Variants in BRCA2 observed in about 807,000 individuals in gnomAD.
The protein encoded by BRCA2 is breast cancer type 2 susceptibility protein.
A neutral mutation model predicts 276.7 loss-of-function variants in BRCA2; 203 were observed. The observed-to-expected ratio is 0.73, with a 90% CI of 0.65 to 0.82. The LOEUF is 0.82. Among genes scored for constraint, BRCA2 ranks in the 40% least tolerant of loss-of-function variants. The pLI is 0.00. For synonymous variants in BRCA2, 1,289 were observed against 1,338.4 expected, an observed-to-expected ratio of 0.96 and a Z score of 0.81; for missense variants, 3,920 against 3,915.0, an observed-to-expected ratio of 1.00 and a Z score of -0.03.
At chr13:32,374,725 A>G (rs755691496) in intron 20 of BRCA2, among the ~76,000 whole-genome samples, 2 of 152,168 alleles carry the variant, frequency 1.3e-5, no homozygotes, top group Non-Finnish European at 2.9e-5. Context: ...ACCATTCAAC[A>G]AGTCTCTAGG....
rs1406171492 is a variant in BRCA2 at position 32,333,374 on chromosome 13, A to G, written c.1896A>G (p.Ala632=). The change falls in exon 10 of 27, where the codon GCA becomes GCG. Residue 632 remains alanine, a synonymous_variant. Coordinates refer to ENST00000380152, the MANE Select transcript of BRCA2 (RefSeq NM_000059.4). Reference sequence around the variant, plus strand: ...CTTTTGAAGCACCACTTACATTTGCAAATGCTGATTCAGGTACCTCTGTCT... The same window carrying G: ...CTTTTGAAGCACCACTTACATTTGCGAATGCTGATTCAGGTACCTCTGTCT... ...ANAFEAPLTF[A]NADSGLLHSS... is the part of the protein sequence containing the mutation. 2 of 1,610,478 alleles carry G rather than the reference A, an allele frequency of 1.2e-6. No homozygotes were observed. The highest frequency in any genetic ancestry group is 2.2e-5 in the South Asian group (2 of 89,708).
chr13:32,332,304 G>A lies in BRCA2; in HGVS notation c.826G>A (p.Val276Ile), dbSNP rs1485423178. 6.2e-7 allele frequency: 1 copy of A among 1,605,254 alleles called. No individual in the cohort carries two copies. ...FGKTSGNSFK[V>I]NSCKDHIGKS... Reference sequence around the variant, plus strand: ...AAAAACATCAGGGAATTCATTTAAAGTAAATAGCTGCAAAGACCACATTGG... The same window carrying A: ...AAAAACATCAGGGAATTCATTTAAAATAAATAGCTGCAAAGACCACATTGG... The change falls in exon 10 of 27, where the codon GTA (valine) becomes ATA (isoleucine). Residue 276 changes from valine to isoleucine, a missense_variant. Physicochemically the swap from Val to Ile is conservative, Grantham distance 29. Around this residue, in one of 2 missense-constraint regions of BRCA2, gnomAD observed 3,263 missense variants for 3,156.9 expected, o/e 1.03. Transcript: ENST00000380152.
At chr13:32,358,197 C>T (rs555448905) in intron 16 of BRCA2, among the ~76,000 whole-genome samples, 1 of 152,244 alleles carries the variant, frequency 6.6e-6, no homozygotes, top group African/African-American at 2.4e-5. Context: ...TAAATTTGGC[C>T]GGGTACAGTG....
intron 24 of BRCA2, among the ~76,000 whole-genome samples, chr13:32,389,099 A>G (rs1202334112): frequency 6.6e-6 from 1 of 152,134 alleles, no homozygotes; most frequent in Non-Finnish European, 1.5e-5. Flanking sequence ...TCTAGGTGTT[A>G]CAACATACAT....
At position 32,325,058 on chromosome 13, in the gene BRCA2, A is replaced by G; in HGVS notation, c.317-18A>G. The G allele has an allele frequency of 6.7e-7, 1 of 1,498,420 alleles. No homozygotes were observed. The highest frequency in any genetic ancestry group is 9.3e-7 in the Non-Finnish European group (1 of 1,075,592). The allele number at this position is 1,498,420 out of a possible 1,614,324, so 92.8% of individuals were successfully genotyped here. A position where few individuals can be genotyped will look rare whatever the true frequency, so the allele number is the denominator to read the frequency against. On this transcript the variant is annotated intron_variant, in intron 3 of 26. Coordinates refer to ENST00000380152, the MANE Select transcript of BRCA2 (RefSeq NM_000059.4). ...TCCAGAGTATATACATTCTCACTGA[A>G]TTATTGTACTGTTTCAGGAAGGAAT...
chr13:32,328,830 T>G (rs2072368227), intron 7 of BRCA2, among the ~76,000 whole-genome samples: 1 of 152,190 alleles, frequency 6.6e-6, no homozygotes, highest in South Asian at 2.1e-4. Flanking sequence ...TTTGTAAAAC[T>G]TTTTTACTTA....
chr13:32,357,805 C>T lies in BRCA2; in HGVS notation c.7681C>T (p.Gln2561Ter), dbSNP rs80358994. The T allele has an allele frequency of 6.2e-7, 1 of 1,613,768 alleles. No individual in the cohort carries two copies. The highest frequency in any genetic ancestry group is 8.5e-7 in the Non-Finnish European group (1 of 1,179,782). The change falls in exon 16 of 27, where the codon CAG (glutamine) becomes TAG (stop). Residue 2561 changes from glutamine (Q) to a stop codon, truncating the protein, a stop_gained. Transcript: ENST00000380152. LOFTEE classifies it high-confidence loss of function. ...TAACAGCAAAAATGCAGAGTCTTTT[C>T]AGTTTCACACTGAAGATTATTTTGG... is the stretch of plus-strand genomic sequence containing the variant. ...KINSKNAESF[Q>*]FHTEDYFGKE...
chr13:32,339,027 A>C lies in BRCA2; in HGVS notation c.4672A>C (p.Ser1558Arg), dbSNP rs587782822. The change falls in exon 11 of 27, where the codon AGT (serine) becomes CGT (arginine). Residue 1558 changes from serine (S) to arginine (R), a missense_variant. Ser to Arg is a moderately radical substitution (Grantham distance 110). Transcript: ENST00000380152. ...EKEQGTSEIT[S>R]FSHQWAKTLK... Reference sequence around the variant, plus strand: ...AGAGCAAGGTACTAGTGAAATCACCAGTTTTAGCCATCAATGGGCAAAGAC... The same window carrying C: ...AGAGCAAGGTACTAGTGAAATCACCCGTTTTAGCCATCAATGGGCAAAGAC... 5 of 1,613,934 alleles carry C rather than the reference A, an allele frequency of 3.1e-6. No homozygotes were observed. Among genetic ancestry groups the C allele is most frequent in the Non-Finnish European group, 4.2e-6 (5 of 1,179,948 alleles).
At position 32,319,331 on chromosome 13, in the gene BRCA2, T is replaced by C. The variant is rs81002900; in HGVS notation, c.316+6T>C. 2 of 1,608,700 alleles carry C rather than the reference T, an allele frequency of 1.2e-6. No homozygotes were observed. The highest frequency in any genetic ancestry group is 1.7e-6 in the Non-Finnish European group (2 of 1,175,204). ...TAAATTCAAATTAGACTTAGGTAAG[T>C]AATGCAATATGGTAGACTGGGGAGA... On this transcript the variant is annotated splice_donor_region_variant and intron_variant, in intron 3 of 26. Coordinates refer to ENST00000380152, the MANE Select transcript of BRCA2 (RefSeq NM_000059.4).
chr13:32,398,670 G>A lies in BRCA2; in HGVS notation c.10157G>A (p.Cys3386Tyr), dbSNP rs80358399. ...GATTATCTCAGACTGAAACGACGTT[G>A]TACTACATCTCTGATCAAAGAACAG... Reference protein sequence around the residue: ...SEDYLRLKRRCTTSLIKEQES... With the variant: ...SEDYLRLKRRYTTSLIKEQES... The change falls in exon 27 of 27, where the codon TGT becomes TAT. Residue 3386 changes from cysteine (C) to tyrosine (Y), a missense_variant. Physicochemically the swap from Cys to Tyr is radical, Grantham distance 194. This residue lies in a region of BRCA2 where 657 missense variants were observed against 758.2 expected (regional missense o/e 0.87). Transcript: ENST00000380152. 1 of 1,614,160 alleles carries A rather than the reference G, an allele frequency of 6.2e-7. No individual in the cohort carries two copies. The highest frequency in any genetic ancestry group is 8.5e-7 in the Non-Finnish European group (1 of 1,180,010).
At chr13:32,353,819 G>A (rs1009006274) in intron 13 of BRCA2, among the ~76,000 whole-genome samples, 2 of 152,180 alleles carry the variant, frequency 1.3e-5, no homozygotes, top group Admixed American at 6.5e-5. Flanking sequence ...GGAAGACCAC[G>A]TATGCTGAGA....
At chr13:32,382,078 G>T (rs557960938) in intron 24 of BRCA2, among the ~76,000 whole-genome samples, 2 of 152,182 alleles carry the variant, frequency 1.3e-5, no homozygotes, top group African/African-American at 2.4e-5. Context: ...AATCTGTTCA[G>T]AGGAATGGCT....
At chr13:32,331,333 A>G (rs1005443430) in intron 9 of BRCA2, among the ~76,000 whole-genome samples, 7 of 152,118 alleles carry the variant, frequency 4.6e-5, no homozygotes, top group African/African-American at 9.7e-5. Flanking sequence ...CCATTGAAGG[A>G]TTGCTCCTCT....
rs376338226 is a variant in BRCA2 at position 32,338,886 on chromosome 13, G to A, written c.4531G>A (p.Glu1511Lys). The change falls in exon 11 of 27, where the codon GAA becomes AAA. Residue 1511 changes from glutamate to lysine, a missense_variant. Glu to Lys is a moderately conservative substitution (Grantham distance 56). This residue lies in a region of BRCA2 where 3,263 missense variants were observed against 3,156.9 expected (regional missense o/e 1.03). Transcript: ENST00000380152. Reference sequence around the variant, plus strand: ...ACTAGTGACCTTCCAGGGACAACCCGAACGTGATGAAAAGATCAAAGAACC... The same window carrying A: ...ACTAGTGACCTTCCAGGGACAACCCAAACGTGATGAAAAGATCAAAGAACC... The part of the protein sequence containing the change: ...NQLVTFQGQP[E>K]RDEKIKEPTL... 1.8e-5 allele frequency: 29 copies of A among 1,613,778 alleles called. No individual in the cohort carries two copies. The highest frequency in any genetic ancestry group is 9.9e-5 in the South Asian group (9 of 91,056).
At chr13:32,361,916 T>C (rs1429510131) in intron 16 of BRCA2, among the ~76,000 whole-genome samples, 2 of 152,204 alleles carry the variant, frequency 1.3e-5, no homozygotes, top group East Asian at 3.8e-4. Flanking sequence ...AAAAAATCTC[T>C]TTCATAAGAA....
At chr13:32,365,710 T>G (rs1384447101) in intron 18 of BRCA2, among the ~76,000 whole-genome samples, 1 of 147,440 alleles carries the variant, frequency 6.8e-6, no homozygotes, top group Non-Finnish European at 1.5e-5. Context: ...CACAGTAATG[T>G]ACTTTGGTGT....
In BRCA2 at chr13:32,399,142, GAA is replaced by G; in HGVS notation, c.*381_*382del. 2 of 199,746 alleles carry G rather than the reference GAA, an allele frequency of 1.0e-5. No individual in the cohort carries two copies. Among genetic ancestry groups the G allele is most frequent in the African/African-American group, 2.5e-5 (1 of 40,380 alleles). 12.4% of individuals were successfully genotyped at this position (199,746 alleles called of 1,614,324 possible). On this transcript the variant is annotated 3_prime_UTR_variant, in exon 27 of 27. Transcript: ENST00000380152. ...ATAGGGAGACCCCCATCTTTACAAA[GAA>G]AAAAAAAAGGGGAAAAGAAAATCTT...
At chr13:32,351,047 C>T (rs1486459848) in intron 13 of BRCA2, among the ~76,000 whole-genome samples, 2 of 152,142 alleles carry the variant, frequency 1.3e-5, no homozygotes, top group Non-Finnish European at 2.9e-5. Context: ...TAAAATAGAC[C>T]AATCAGCAGG....
At position 32,398,980 on chromosome 13, in the gene BRCA2, C is replaced by A; in HGVS notation, c.*210C>A. The A allele has an allele frequency of 1.8e-6, 1 of 563,952 alleles. No individual in the cohort carries two copies. Among genetic ancestry groups the A allele is most frequent in the South Asian group, 2.4e-5 (1 of 42,356 alleles). 34.9% of individuals were successfully genotyped at this position (563,952 alleles called of 1,614,324 possible). On this transcript the variant is annotated 3_prime_UTR_variant, in exon 27 of 27. Transcript: ENST00000380152. ...TTTGCTTCAGTTGCATATCTTAAAA[C>A]TAAATGTAATTTATTAACTAATCAA...
Sources: allele counts gnomAD v4.1 joint callset (sites outside exome capture counted in the v4.1 genomes callset), GRCh38; gene constraint gnomAD v4.1.1; regional missense constraint gnomAD v4.1.1; transcripts MANE v1.5; gene names NCBI Gene and HGNC (gene_info 2026-07-23, HGNC 2026-07-21).